Variants in ERBB4 observed in about 807,000 individuals in gnomAD.
ERBB4 encodes erb-b2 receptor tyrosine kinase 4.
In ERBB4, 42 loss-of-function variants were observed where a neutral mutation model predicts 158.0. The ratio of observed to expected loss-of-function variants is 0.27; its 90% CI spans 0.21 to 0.34. The LOEUF is 0.34. Ranked by LOEUF, ERBB4 falls within the 10% of genes least tolerant of loss-of-function variation. The pLI is 1.00. For synonymous variants in ERBB4, 583 were observed against 558.7 expected (o/e 1.04, Z -0.61); for missense variants, 1,333 against 1,624.1 (o/e 0.82, Z 3.08).
At chr2:211,726,892 G>A (rs980834812) in intron 5 of ERBB4, among the ~76,000 whole-genome samples, 3 of 152,076 alleles carry the variant, frequency 2.0e-5, no homozygotes, top group Non-Finnish European at 4.4e-5. Flanking sequence ...GCCCTTCCAG[G>A]AATCACATTA....
intron 1 of ERBB4, among the ~76,000 whole-genome samples, chr2:212,247,046 T>C (rs892361404): frequency 6.6e-6 from 1 of 152,146 alleles, no homozygotes; most frequent in African/African-American, 2.4e-5. Context: ...GATAACCAAA[T>C]ACTTAAATAA....
chr2:212,122,473 G>C (rs2079787465), intron 2 of ERBB4, among the ~76,000 whole-genome samples: 1 of 152,006 alleles, frequency 6.6e-6, no homozygotes, highest in Non-Finnish European at 1.5e-5. Context: ...TATGCACATG[G>C]ATTAGTACAA....
chr2:212,456,094 T>C lies in ERBB4; in HGVS notation c.82+82355A>G, dbSNP rs181702309. On this transcript the variant is annotated intron_variant, in intron 1 of 27. Coordinates refer to ENST00000342788, the MANE Select transcript of ERBB4 (RefSeq NM_005235.3). ...ATTTTTATCTTAAGGAAATAATGGT[T>C]TACCAAGTAAACTGTAGTACACACT... 4.7e-4 allele frequency among the ~76,000 whole-genome samples: 72 copies of C among 152,224 alleles called. 1 individual carries two copies. The highest frequency in any genetic ancestry group is 1.7e-3 in the African/African-American group (70 of 41,564).
In ERBB4 at chr2:212,251,120, G is replaced by T. The variant is rs553037678; in HGVS notation, c.83-126217C>A. Among the ~76,000 whole-genome samples, 10 of 151,988 alleles carry T rather than the reference G, an allele frequency of 6.6e-5. No homozygotes were observed. The South Asian group carries it at 1.7e-3, about 25-fold the overall frequency. Reference sequence around the variant, plus strand: ...AGTTGAAAACTTGTTATTCTATTGAGGATATACTTGACTCAATCTAAAATG... The same window carrying T: ...AGTTGAAAACTTGTTATTCTATTGATGATATACTTGACTCAATCTAAAATG... On this transcript the variant is annotated intron_variant, in intron 1 of 27. Transcript: ENST00000342788.
At position 211,458,211 on chromosome 2, in the gene ERBB4, A is replaced by G. The variant is rs4673619; in HGVS notation, c.2488-27111T>C. ...ACCATGCACATGCAACCTGGAAGAG[A>G]GGGGAGCTAGCCTACTGTACAATGA... On this transcript the variant is annotated intron_variant, in intron 20 of 27. Transcript: ENST00000342788. Among the ~76,000 whole-genome samples, 1,316 of 149,792 alleles carry G rather than the reference A, an allele frequency of 8.8e-3. 57 individuals carry two copies. The highest frequency in any genetic ancestry group is 0.078 in the Admixed American group (1,180 of 15,034).
intron 20 of ERBB4, among the ~76,000 whole-genome samples, chr2:211,513,027 A>T (rs2125618382): frequency 6.6e-6 from 1 of 152,158 alleles, no homozygotes; most frequent in Admixed American, 6.5e-5. Context: ...AGCAGAGCTG[A>T]TTGCCTATGG....
At chr2:211,488,035 T>C (rs2065249854) in intron 20 of ERBB4, among the ~76,000 whole-genome samples, 1 of 151,684 alleles carries the variant, frequency 6.6e-6, no homozygotes, top group Non-Finnish European at 1.5e-5. Flanking sequence ...TTAACACTCA[T>C]ACCACACAGA....
chr2:211,878,192 A>T (rs1216272807), intron 3 of ERBB4, among the ~76,000 whole-genome samples: 1 of 152,220 alleles, frequency 6.6e-6, no homozygotes, highest in South Asian at 2.1e-4. Flanking sequence ...AAAATCTTCC[A>T]TCGAAATTTA....
intron 20 of ERBB4, among the ~76,000 whole-genome samples, chr2:211,522,644 C>G (rs556925404): frequency 9.2e-5 from 14 of 152,226 alleles, no homozygotes; most frequent in Admixed American, 1.3e-4. Flanking sequence ...AGAGATAAAT[C>G]TTTGATGAAA....
intron 2 of ERBB4, among the ~76,000 whole-genome samples, chr2:211,993,615 T>G (rs1279287317): frequency 6.6e-6 from 1 of 151,464 alleles, no homozygotes; most frequent in Non-Finnish European, 1.5e-5. Flanking sequence ...ATTTTTCTAA[T>G]GTACTAAAGA....
intron 1 of ERBB4, among the ~76,000 whole-genome samples, chr2:212,223,509 C>T (rs190559971): frequency 1.3e-5 from 2 of 150,068 alleles, no homozygotes; most frequent in African/African-American, 4.9e-5. Context: ...CTTGTTCAGC[C>T]ACACACAGAT....
intron 2 of ERBB4, among the ~76,000 whole-genome samples, chr2:211,963,003 C>CTAATATGTTTTTCTGTGTGCT (rs1456697618): frequency 8.6e-5 from 13 of 152,028 alleles, no homozygotes; most frequent in African/African-American, 3.1e-4. Context: ...GTACATGTAC[C>CTAATATGTTTTTCTGTGTGCT]TAATATGTTT....
In ERBB4 at chr2:212,026,278, T is replaced by A. The variant is rs115608032; in HGVS notation, c.235-78662A>T. ...CATATTTGAGTAAAAATATCACACA[T>A]ATAGGTTTTTCAGTCACCTATAAGG... On this transcript the variant is annotated intron_variant, in intron 2 of 27. Transcript: ENST00000342788. 8.0e-3 allele frequency among the ~76,000 whole-genome samples: 1,207 copies of A among 151,812 alleles called. 12 individuals are homozygous for A. Among genetic ancestry groups the A allele is most frequent in the African/African-American group, 0.027 (1,109 of 41,526 alleles).
intron 20 of ERBB4, among the ~76,000 whole-genome samples, chr2:211,439,269 A>G (rs2063923229): frequency 1.3e-5 from 2 of 152,228 alleles, no homozygotes; most frequent in Admixed American, 1.3e-4. Flanking sequence ...ATAGTGTGCC[A>G]GTTACTGATG....
intron 1 of ERBB4, among the ~76,000 whole-genome samples, chr2:212,217,105 TA>T (rs1324628830): frequency 6.6e-6 from 1 of 151,452 alleles, no homozygotes; most frequent in East Asian, 1.9e-4. Flanking sequence ...AATTAAAAGA[TA>T]ATTTTATTAT....
chr2:212,051,307 A>C (rs2077391751), intron 2 of ERBB4, among the ~76,000 whole-genome samples: 1 of 152,100 alleles, frequency 6.6e-6, no homozygotes, highest in Non-Finnish European at 1.5e-5. Flanking sequence ...TAATTCTTTT[A>C]AGTGCTTTAA....
intron 1 of ERBB4, among the ~76,000 whole-genome samples, chr2:212,153,535 C>T (rs766964570): frequency 1.7e-3 from 257 of 152,200 alleles, no homozygotes; most frequent in Non-Finnish European, 2.8e-3. Flanking sequence ...TACAATAAAT[C>T]TCATGGAAAG....
intron 20 of ERBB4, among the ~76,000 whole-genome samples, chr2:211,508,568 C>T (rs1207681279): frequency 2.0e-5 from 3 of 152,082 alleles, no homozygotes; most frequent in African/African-American, 4.8e-5. Flanking sequence ...GACAGTGTGG[C>T]GATTCATCAA....
At chr2:211,758,961 C>T (rs1412945673) in intron 4 of ERBB4, among the ~76,000 whole-genome samples, 1 of 152,198 alleles carries the variant, frequency 6.6e-6, no homozygotes, top group Non-Finnish European at 1.5e-5. Flanking sequence ...CGAACCATCT[C>T]CACTTGTGCA....
Sources: allele counts gnomAD v4.1 joint callset (sites outside exome capture counted in the v4.1 genomes callset), GRCh38; gene constraint gnomAD v4.1.1; transcripts MANE v1.5; gene names NCBI Gene and HGNC (gene_info 2026-07-23, HGNC 2026-07-21).